PCTP: variants seen among roughly 807,000 people sequenced by gnomAD.
PCTP encodes the protein phosphatidylcholine transfer protein.
Under a neutral mutation model 31.0 loss-of-function variants are expected in PCTP, and 27 were observed. The ratio of observed to expected loss-of-function variants is 0.87; its 90% CI spans 0.64 to 1.20. PCTP has a LOEUF of 1.20. Among genes scored for constraint, PCTP ranks in the 50% most tolerant of loss-of-function variants. PCTP has a pLI of 0.00. For missense variants in PCTP, 287 were observed against 268.2 expected (o/e 1.07, Z -0.49); for synonymous variants, 108 against 101.2 (o/e 1.07, Z -0.40).
chr17:55,783,533 A>G (rs1481478157), intron 2 of PCTP, among the ~76,000 whole-genome samples: 1 of 152,166 alleles, frequency 6.6e-6, no homozygotes, highest in African/African-American at 2.4e-5. Context: ...CAAAAACAGC[A>G]CTTAGAACTC....
chr17:55,819,789 C>A (rs1187180991), intron 3 of PCTP, among the ~76,000 whole-genome samples: 1 of 152,036 alleles, frequency 6.6e-6, no homozygotes, highest in African/African-American at 2.4e-5. Context: ...CTACAGTAAT[C>A]AAGATGGTGT....
intron 3 of PCTP, among the ~76,000 whole-genome samples, chr17:55,805,882 C>G (rs1337526399): frequency 1.9e-5 from 2 of 105,226 alleles, no homozygotes; most frequent in Non-Finnish European, 1.8e-5. Flanking sequence ...CTCTCTCAAT[C>G]TGTATGTGTG....
intron 1 of PCTP, among the ~76,000 whole-genome samples, chr17:55,757,823 G>A (rs1265220298): frequency 6.6e-6 from 1 of 152,158 alleles, no homozygotes; most frequent in African/African-American, 2.4e-5. Flanking sequence ...GTCAGAGGCA[G>A]GAGAATACCC....
downstream of PCTP, among the ~76,000 whole-genome samples, chr17:55,823,732 A>G (rs1478000125): frequency 2.0e-5 from 3 of 152,182 alleles, no homozygotes; most frequent in Non-Finnish European, 4.4e-5. Context: ...GAGAGCTCCT[A>G]TGTGGCAACT....
chr17:55,813,810 A>G (rs1260540754), intron 3 of PCTP, among the ~76,000 whole-genome samples: 2 of 152,298 alleles, frequency 1.3e-5, no homozygotes, highest in East Asian at 3.9e-4. Context: ...TGGGAGGCTG[A>G]GGCCAGAGGA....
chr17:55,801,406 T>C (rs767813872), intron 3 of PCTP, among the ~76,000 whole-genome samples: 1 of 152,172 alleles, frequency 6.6e-6, no homozygotes, highest in Non-Finnish European at 1.5e-5. Flanking sequence ...ATCAACAGAA[T>C]ATACATTCTT....
intron 3 of PCTP, among the ~76,000 whole-genome samples, chr17:55,794,957 G>A (rs1912136211): frequency 6.6e-6 from 1 of 151,968 alleles, no homozygotes. Context: ...ACCACACACA[G>A]ACCCCTTATT....
chr17:55,798,374 C>A (rs879219135), intron 3 of PCTP, among the ~76,000 whole-genome samples: 2 of 151,660 alleles, frequency 1.3e-5, no homozygotes, highest in African/African-American at 4.8e-5. Flanking sequence ...TTACAAACAC[C>A]AAGCAAAACA....
At chr17:55,754,290 G>A (rs1256598936) in intron 1 of PCTP, among the ~76,000 whole-genome samples, 1 of 152,138 alleles carries the variant, frequency 6.6e-6, no homozygotes, top group East Asian at 1.9e-4. Context: ...CTGTAAATAG[G>A]GGATCCCATG....
Position 55,806,278 on chromosome 17 carries a change from G to A in PCTP, c.318-16483G>A, listed in dbSNP as rs144919454. The stretch of plus-strand genomic sequence containing the variant: ...CAATAAACCAGGAGAAGGACTTTAT[G>A]ACAGTGGTGTGCTGGAGGTACTGGT... On this transcript the variant is annotated intron_variant, in intron 3 of 3. Transcript: ENST00000572536. Among the ~76,000 whole-genome samples the A allele has an allele frequency of 2.6e-5, 4 of 152,218 alleles. No individual in the cohort carries two copies. In the East Asian group the frequency reaches 7.7e-4, roughly 29 times the overall value.
chr17:55,769,324 T>C (rs532739579), intron 2 of PCTP: 35 of 152,370 alleles, frequency 2.3e-4, no homozygotes, highest in Admixed American at 7.2e-4. Context: ...TCAAATACTC[T>C]TCCTATTTAG....
At chr17:55,795,545 A>T (rs1598002958) in intron 3 of PCTP, among the ~76,000 whole-genome samples, 1 of 152,044 alleles carries the variant, frequency 6.6e-6, no homozygotes, top group African/African-American at 2.4e-5. Context: ...CAAATACTTC[A>T]TTTACAGTTT....
intron 1 of PCTP, among the ~76,000 whole-genome samples, chr17:55,766,947 T>G (rs1466260004): frequency 6.6e-6 from 1 of 152,158 alleles, no homozygotes; most frequent in African/African-American, 2.4e-5. Flanking sequence ...TTTTAATGAT[T>G]GCCATTCTAA....
chr17:55,753,490 C>T (rs1368715068), intron 1 of PCTP, among the ~76,000 whole-genome samples: 2 of 152,158 alleles, frequency 1.3e-5, no homozygotes, highest in East Asian at 3.8e-4. Flanking sequence ...ATGATGATCA[C>T]CTTTTTACCT....
At chr17:55,789,806 T>G (rs898925050) in intron 3 of PCTP, among the ~76,000 whole-genome samples, 3 of 152,172 alleles carry the variant, frequency 2.0e-5, no homozygotes, top group Non-Finnish European at 4.4e-5. Context: ...CATTTTATGA[T>G]GCCAGCATCA....
chr17:55,827,241 T>C (rs1905430370), downstream of PCTP, among the ~76,000 whole-genome samples: 1 of 152,312 alleles, frequency 6.6e-6, no homozygotes, highest in South Asian at 2.1e-4. Flanking sequence ...TGCATGCTTC[T>C]GCCACTCATT....
intron 5 of PCTP, among the ~76,000 whole-genome samples, chr17:55,834,454 C>A (rs1386793449): frequency 1.3e-5 from 2 of 152,134 alleles, no homozygotes; most frequent in Non-Finnish European, 2.9e-5. Context: ...ATGGCTACAG[C>A]CTGCAACTCC....
At chr17:55,785,962 G>A (rs535778194) in intron 2 of PCTP, among the ~76,000 whole-genome samples, 1 of 152,216 alleles carries the variant, frequency 6.6e-6, no homozygotes, top group East Asian at 1.9e-4. Context: ...GCACCTTTCT[G>A]TATCTTTCAG....
chr17:55,811,971 G>A (rs575497094), intron 3 of PCTP, among the ~76,000 whole-genome samples: 1 of 152,342 alleles, frequency 6.6e-6, no homozygotes, highest in South Asian at 2.1e-4. Flanking sequence ...CACTCAGTAT[G>A]TATCAAGCAT....
Sources: gnomAD v4.1 joint callset for allele counts (sites outside exome capture counted in the v4.1 genomes callset) on GRCh38, gnomAD v4.1.1 for gene constraint, MANE v1.5 for transcripts, NCBI Gene and HGNC (gene_info 2026-07-23, HGNC 2026-07-21) for gene names.